The following DOCK1 variants were observed in gnomAD, a reference collection of about 807,000 sequenced individuals.
DOCK1 encodes the protein dedicator of cytokinesis protein 1.
A neutral mutation model predicts 262.7 loss-of-function variants in DOCK1; 138 were observed. The observed-to-expected ratio is 0.53, with a 90% CI of 0.46 to 0.61. DOCK1 has a LOEUF of 0.61. Ranked by LOEUF, DOCK1 falls within the 20% of genes least tolerant of loss-of-function variation. The pLI, the probability that DOCK1 is intolerant of heterozygous loss-of-function variation, is 0.00. For missense variants in DOCK1, 1,908 were observed against 2,370.7 expected (o/e 0.80, Z 4.05); for synonymous variants, 866 against 867.4 (o/e 1.00, Z 0.03).
chr10:126,973,397 G>A (rs2038266982), intron 2 of DOCK1, among the ~76,000 whole-genome samples: 2 of 152,074 alleles, frequency 1.3e-5, no homozygotes, highest in Admixed American at 6.5e-5. Context: ...CCCAGCTGAG[G>A]AATGTGTTTT....
Position 126,939,091 on chromosome 10 carries a change from C to T in DOCK1, c.47-31611C>T, listed in dbSNP as rs938863129. On this transcript the variant is annotated intron_variant, in intron 1 of 51. Coordinates refer to ENST00000623213, the MANE Select transcript of DOCK1 (RefSeq NM_001290223.2). Reference sequence around the variant, plus strand: ...GACGAACACCGGAGGGGACGAGCACCGGAGGGGATGAACACAGGAGGGGAT... The same window carrying T: ...GACGAACACCGGAGGGGACGAGCACTGGAGGGGATGAACACAGGAGGGGAT... 8.9e-5 allele frequency among the ~76,000 whole-genome samples: 13 copies of T among 145,366 alleles called. No individual in the cohort carries two copies. The South Asian group carries it at 1.1e-3, about 13-fold the overall frequency.
chr10:126,998,476 G>A (rs1034004008), intron 8 of DOCK1: 3 of 480,994 alleles, frequency 6.2e-6, no homozygotes, highest in East Asian at 6.3e-5. Flanking sequence ...TGCTCGTAGA[G>A]TTATAGCAGT....
intron 27 of DOCK1, among the ~76,000 whole-genome samples, chr10:127,214,588 A>G (rs1419923428): frequency 6.6e-6 from 1 of 152,160 alleles, no homozygotes; most frequent in Admixed American, 6.5e-5. Flanking sequence ...ACCCCTCTTC[A>G]TGGATGGGTA....
intron 29 of DOCK1, among the ~76,000 whole-genome samples, chr10:127,316,035 A>G (rs2062263515): frequency 6.8e-6 from 1 of 147,356 alleles, no homozygotes; most frequent in Non-Finnish European, 1.5e-5. Flanking sequence ...TTTAAAAAGA[A>G]AAAAAAAAGG....
intron 33 of DOCK1, among the ~76,000 whole-genome samples, chr10:127,373,037 G>A (rs765956112): frequency 1.3e-5 from 2 of 152,152 alleles, no homozygotes; most frequent in African/African-American, 4.8e-5. Flanking sequence ...CATTGTTATC[G>A]AGGTTTTTTT....
At chr10:126,941,928 T>A (rs1223746655) in intron 1 of DOCK1, among the ~76,000 whole-genome samples, 1 of 152,218 alleles carries the variant, frequency 6.6e-6, no homozygotes, top group Non-Finnish European at 1.5e-5. Flanking sequence ...CCAATTATTC[T>A]CTTTTAAGCT....
chr10:127,075,469 G>A lies in DOCK1; in HGVS notation c.2445+13693G>A, dbSNP rs12771186. Among the ~76,000 whole-genome samples, 598 of 152,054 alleles carry A rather than the reference G, an allele frequency of 3.9e-3. 3 individuals are homozygous for A. Among genetic ancestry groups the A allele is most frequent in the African/African-American group, 5.0e-3 (208 of 41,490 alleles). ...GTAATTTTTGTAGAGATATGGTTTC[G>A]TCATATATTAGTCTATTTTCACACT... On this transcript the variant is annotated intron_variant, in intron 23 of 51. Transcript: ENST00000623213.
At chr10:126,912,338 G>A (rs1360418634) in intron 1 of DOCK1, among the ~76,000 whole-genome samples, 2 of 151,814 alleles carry the variant, frequency 1.3e-5, no homozygotes, top group African/African-American at 2.4e-5. Context: ...GCTGAGGCAG[G>A]AGAATCACTG....
intron 35 of DOCK1, among the ~76,000 whole-genome samples, chr10:127,377,343 A>T (rs1565039977): frequency 6.6e-6 from 1 of 152,210 alleles, no homozygotes; most frequent in Non-Finnish European, 1.5e-5. Context: ...AGAGATGGGT[A>T]TGTATAACCA....
At chr10:126,960,552 C>A (rs959823383) in intron 1 of DOCK1, among the ~76,000 whole-genome samples, 1 of 150,936 alleles carries the variant, frequency 6.6e-6, no homozygotes, top group East Asian at 2.0e-4. Flanking sequence ...GAGAGCCAAG[C>A]TGGGGAGAGG....
At chr10:126,967,996 A>G (rs948799624) in intron 1 of DOCK1, among the ~76,000 whole-genome samples, 2 of 151,902 alleles carry the variant, frequency 1.3e-5, no homozygotes, top group African/African-American at 2.4e-5. Flanking sequence ...TTGTAATTTT[A>G]GTAGAGACGG....
intron 32 of DOCK1, among the ~76,000 whole-genome samples, chr10:127,356,427 G>A (rs1296826849): frequency 1.3e-5 from 2 of 152,126 alleles, no homozygotes; most frequent in African/African-American, 2.4e-5. Flanking sequence ...ATATATATAC[G>A]ATGATCTCAG....
intron 1 of DOCK1, among the ~76,000 whole-genome samples, chr10:126,955,531 C>T (rs968628177): frequency 3.3e-5 from 5 of 152,084 alleles, no homozygotes; most frequent in Non-Finnish European, 5.9e-5. Flanking sequence ...TGTGGAGCCC[C>T]GCCCATGTTC....
At chr10:127,162,451 A>G (rs1428516082) in intron 27 of DOCK1, among the ~76,000 whole-genome samples, 1 of 152,194 alleles carries the variant, frequency 6.6e-6, no homozygotes, top group African/African-American at 2.4e-5. Flanking sequence ...GGCAACCTCA[A>G]CACAAATTAC....
At chr10:126,929,916 A>G (rs2034058764) in intron 1 of DOCK1, among the ~76,000 whole-genome samples, 1 of 152,300 alleles carries the variant, frequency 6.6e-6, no homozygotes, top group East Asian at 1.9e-4. Flanking sequence ...AGTCCAAGAC[A>G]TTTCTATCAC....
intron 29 of DOCK1, among the ~76,000 whole-genome samples, chr10:127,259,388 G>T (rs1260178462): frequency 6.6e-6 from 1 of 152,230 alleles, no homozygotes; most frequent in Non-Finnish European, 1.5e-5. Flanking sequence ...AAGAGCTCTA[G>T]AGCGTTGTGT....
At chr10:126,927,000 A>T (rs1242293317) in intron 1 of DOCK1, among the ~76,000 whole-genome samples, 1 of 152,208 alleles carries the variant, frequency 6.6e-6, no homozygotes, top group Non-Finnish European at 1.5e-5. Flanking sequence ...CAGGGGAAAA[A>T]GTATTTCTGT....
chr10:126,938,448 G>A (rs906123192), intron 1 of DOCK1, among the ~76,000 whole-genome samples: 1 of 152,068 alleles, frequency 6.6e-6, no homozygotes, highest in African/African-American at 2.4e-5. Context: ...TGTTGAAACC[G>A]TTTGACCTTA....
At chr10:127,391,482 A>G (rs997409536) in intron 38 of DOCK1, among the ~76,000 whole-genome samples, 4 of 152,196 alleles carry the variant, frequency 2.6e-5, no homozygotes, top group Non-Finnish European at 2.9e-5. Flanking sequence ...ATTTAGAATT[A>G]TGCGCCTCGG....
Sources: gnomAD v4.1 joint callset for allele counts (sites outside exome capture counted in the v4.1 genomes callset) on GRCh38, gnomAD v4.1.1 for gene constraint, MANE v1.5 for transcripts, NCBI Gene and HGNC (gene_info 2026-07-23, HGNC 2026-07-21) for gene names.